FBXO42: variants seen among roughly 807,000 people sequenced by gnomAD.
The protein encoded by FBXO42 is F-box only protein 42.
Under a neutral mutation model 71.7 loss-of-function variants are expected in FBXO42, and 12 were observed. The observed-to-expected ratio is 0.17, with a 90% CI of 0.11 to 0.27. The LOEUF (loss-of-function observed/expected upper bound fraction) is 0.27, where lower values mean the gene tolerates loss of function less well. Among genes scored for constraint, FBXO42 ranks in the 10% least tolerant of loss-of-function variants. The pLI, the probability that FBXO42 is intolerant of heterozygous loss-of-function variation, is 1.00. For synonymous variants in FBXO42, 325 were observed against 327.5 expected (o/e 0.99, Z 0.08); for missense variants, 707 against 911.9 (o/e 0.78, Z 2.89).
intron 6 of FBXO42, among the ~76,000 whole-genome samples, chr1:16,254,830 G>C (rs74399042): frequency 0.012 from 1,790 of 152,288 alleles, 9 homozygotes; most frequent in Non-Finnish European, 0.017. Context: ...GGCCAGAAGT[G>C]GACAGGACAG....
In FBXO42 at chr1:16,303,929, T is replaced by A. The variant is rs189518545; in HGVS notation, c.367+1874A>T. Among the ~76,000 whole-genome samples the A allele has an allele frequency of 9.8e-3, 1,492 of 151,626 alleles. 23 individuals are homozygous for A. The highest frequency in any genetic ancestry group is 0.031 in the African/African-American group (1,272 of 41,354). On this transcript the variant is annotated intron_variant, in intron 3 of 9. Transcript: ENST00000375592. ...CCCGGGTAATTTTTTATATATATAT[T>A]TTTTTAAGAGACGGGGTTTCACCGT...
intron 2 of FBXO42, among the ~76,000 whole-genome samples, chr1:16,313,275 A>G (rs1485124436): frequency 6.2e-5 from 1 of 16,112 alleles, no homozygotes; most frequent in Non-Finnish European, 2.7e-4. Context: ...AATAAAAAAA[A>G]AAGAAAGAAA....
chr1:16,335,328 G>A (rs1418760658), intron 1 of FBXO42, among the ~76,000 whole-genome samples: 2 of 151,998 alleles, frequency 1.3e-5, no homozygotes, highest in Non-Finnish European at 2.9e-5. Flanking sequence ...TGTAGAGCCA[G>A]GATTTCGCCA....
At chr1:16,281,478 T>TG (rs932279816) in intron 4 of FBXO42, among the ~76,000 whole-genome samples, 1 of 150,378 alleles carries the variant, frequency 6.6e-6, no homozygotes, top group African/African-American at 2.4e-5. Context: ...TTTTGTTTTT[T>TG]TTTTTTTTTG....
At chr1:16,282,533 CT>C (rs201581586) in intron 4 of FBXO42, among the ~76,000 whole-genome samples, 1,599 of 87,654 alleles carry the variant, frequency 0.018, 26 homozygotes, top group Middle Eastern at 0.053. Flanking sequence ...GCCATTTTCT[CT>C]TTTAAAAAAA....
chr1:16,289,876 T>C (rs140322869), intron 4 of FBXO42, among the ~76,000 whole-genome samples: 4 of 152,174 alleles, frequency 2.6e-5, no homozygotes, highest in South Asian at 2.1e-4. Flanking sequence ...GACTGTGCCA[T>C]TGCACTCCAG....
chr1:16,339,448 G>A (rs1289907410), intron 1 of FBXO42, among the ~76,000 whole-genome samples: 1 of 152,030 alleles, frequency 6.6e-6, no homozygotes, highest in Non-Finnish European at 1.5e-5. Flanking sequence ...GAGTAGCTGG[G>A]ACTACAGGTG....
intron 4 of FBXO42, among the ~76,000 whole-genome samples, chr1:16,292,047 G>A (rs2082084412): frequency 6.6e-6 from 1 of 152,140 alleles, no homozygotes; most frequent in African/African-American, 2.4e-5. Flanking sequence ...TCTAAAACTA[G>A]CCTCTAATTG....
At chr1:16,336,846 G>A (rs1256560636) in intron 1 of FBXO42, among the ~76,000 whole-genome samples, 2 of 152,014 alleles carry the variant, frequency 1.3e-5, no homozygotes, top group Non-Finnish European at 2.9e-5. Context: ...ATAGCTGGGT[G>A]TGGTGGCAAA....
intron 4 of FBXO42, among the ~76,000 whole-genome samples, chr1:16,279,089 C>T (rs1055590113): frequency 6.6e-6 from 1 of 152,086 alleles, no homozygotes; most frequent in Non-Finnish European, 1.5e-5. Context: ...ACGGTTATTT[C>T]TGAACAGTTC....
intron 4 of FBXO42, among the ~76,000 whole-genome samples, chr1:16,259,617 T>G (rs2081685950): frequency 6.6e-6 from 1 of 151,940 alleles, no homozygotes; most frequent in African/African-American, 2.4e-5. Context: ...TATTAAAAAA[T>G]TAGCCAGGCA....
chr1:16,314,254 A>G (rs2082342180), intron 2 of FBXO42, among the ~76,000 whole-genome samples: 2 of 152,160 alleles, frequency 1.3e-5, no homozygotes, highest in Admixed American at 1.3e-4. Flanking sequence ...CCGGCCAAGA[A>G]ACATATTTTA....
chr1:16,347,771 C>T (rs375536503), intron 1 of FBXO42, among the ~76,000 whole-genome samples: 23 of 152,096 alleles, frequency 1.5e-4, no homozygotes, highest in Admixed American at 1.5e-3. Flanking sequence ...GGGCAGATCA[C>T]GAGGTCTGGA....
chr1:16,271,657 T>G (rs1193057775), intron 4 of FBXO42, among the ~76,000 whole-genome samples: 1 of 152,110 alleles, frequency 6.6e-6, no homozygotes, highest in Non-Finnish European at 1.5e-5. Flanking sequence ...AACCTATTTG[T>G]AAGTCCATGA....
At chr1:16,310,742 C>T (rs1397286653) in intron 2 of FBXO42, among the ~76,000 whole-genome samples, 1 of 152,018 alleles carries the variant, frequency 6.6e-6, no homozygotes, top group African/African-American at 2.4e-5. Flanking sequence ...CGTCTGTAAT[C>T]CTAGCACTTT....
intron 1 of FBXO42, among the ~76,000 whole-genome samples, chr1:16,336,941 T>C (rs12141079): frequency 0.31 from 47,222 of 151,898 alleles, 7,659 homozygotes; most frequent in Non-Finnish European, 0.34. Flanking sequence ...GCAGAGATCA[T>C]GCCATTGCAC....
At chr1:16,319,441 T>C (rs1432966984) in intron 1 of FBXO42, among the ~76,000 whole-genome samples, 1 of 152,194 alleles carries the variant, frequency 6.6e-6, no homozygotes, top group Non-Finnish European at 1.5e-5. Context: ...CCTAGCAAAG[T>C]GGCTATTAGA....
chr1:16,295,187 A>G (rs112626329), intron 3 of FBXO42, among the ~76,000 whole-genome samples: 2 of 152,194 alleles, frequency 1.3e-5, no homozygotes, highest in Non-Finnish European at 2.9e-5. Context: ...AGAACACATA[A>G]TAATTCACAT....
chr1:16,282,226 T>C (rs1049174149), intron 4 of FBXO42, among the ~76,000 whole-genome samples: 21 of 143,342 alleles, frequency 1.5e-4, no homozygotes, highest in African/African-American at 2.4e-4. Flanking sequence ...TTTTCTTTTT[T>C]TTTTTTTTCT....
Sources: gnomAD v4.1 joint callset for allele counts (sites outside exome capture counted in the v4.1 genomes callset) on GRCh38, gnomAD v4.1.1 for gene constraint, MANE v1.5 for transcripts, NCBI Gene and HGNC (gene_info 2026-07-23, HGNC 2026-07-21) for gene names.